MARCHF1: variants seen among roughly 807,000 people sequenced by gnomAD.
MARCHF1 encodes the protein E3 ubiquitin-protein ligase MARCHF1.
MARCHF1 carries 40 observed loss-of-function variants against 54.2 expected under a neutral mutation model. The observed-to-expected ratio is 0.74, with a 90% CI of 0.57 to 0.96. The LOEUF (loss-of-function observed/expected upper bound fraction) is 0.96. Ranked by LOEUF, MARCHF1 falls within the 40% of genes least tolerant of loss-of-function variation. The probability of loss-of-function intolerance (pLI) is 0.00; values close to 1 mark genes in which losing one functional copy is unlikely to be tolerated. For missense variants in MARCHF1, 586 were observed against 656.5 expected, an observed-to-expected ratio of 0.89 and a Z score of 1.17; for synonymous variants, 236 against 236.3, an observed-to-expected ratio of 1.00 and a Z score of 0.01.
chr4:164,206,388 G>C (rs918661447), intron 1 of MARCHF1, among the ~76,000 whole-genome samples: 1 of 152,156 alleles, frequency 6.6e-6, no homozygotes, highest in Non-Finnish European at 1.5e-5. Flanking sequence ...AGTGAGCCAA[G>C]GTCATGCCAT....
intron 8 of MARCHF1, among the ~76,000 whole-genome samples, chr4:163,579,319 TAAAAC>T (rs1195764428): frequency 1.3e-5 from 2 of 152,164 alleles, no homozygotes; most frequent in Admixed American, 6.5e-5. Flanking sequence ...GTTTAGGAAA[TAAAAC>T]AAATAAAAAC....
At chr4:163,621,717 A>C (rs1741701758) in intron 5 of MARCHF1, among the ~76,000 whole-genome samples, 1 of 152,192 alleles carries the variant, frequency 6.6e-6, no homozygotes, top group Admixed American at 6.5e-5. Context: ...GCTTACTACT[A>C]CTTGCTGCTG....
chr4:163,867,351 T>C (rs1191322372), intron 3 of MARCHF1, among the ~76,000 whole-genome samples: 7 of 151,952 alleles, frequency 4.6e-5, no homozygotes, highest in African/African-American at 1.7e-4. Flanking sequence ...CTTTGTTAGA[T>C]AACTGGTGAT....
intron 1 of MARCHF1, among the ~76,000 whole-genome samples, chr4:164,152,735 A>T (rs1417687924): frequency 6.6e-6 from 1 of 152,202 alleles, no homozygotes; most frequent in Admixed American, 6.5e-5. Context: ...TCTGCTATCT[A>T]AAAGCTTATC....
At chr4:164,009,034 G>A (rs1177411242) in intron 2 of MARCHF1, among the ~76,000 whole-genome samples, 1 of 151,730 alleles carries the variant, frequency 6.6e-6, no homozygotes, top group African/African-American at 2.4e-5. Context: ...ACGGTGTTTG[G>A]AAAAAATTAA....
At chr4:164,372,392 A>C (rs1370632927) in intron 1 of MARCHF1, among the ~76,000 whole-genome samples, 4 of 152,206 alleles carry the variant, frequency 2.6e-5, no homozygotes, top group Non-Finnish European at 5.9e-5. Context: ...AGCATATTAC[A>C]TATTTATTGA....
intron 5 of MARCHF1, among the ~76,000 whole-genome samples, chr4:163,685,514 G>A (rs1028387536): frequency 2.0e-5 from 3 of 152,028 alleles, no homozygotes; most frequent in Admixed American, 1.3e-4. Context: ...GAGTGCAGTA[G>A]CGTGAACTCA....
chr4:163,656,969 G>A (rs1179818022), intron 5 of MARCHF1, among the ~76,000 whole-genome samples: 1 of 151,980 alleles, frequency 6.6e-6, no homozygotes. Context: ...GGCAAATGCT[G>A]GAAGCATTCC....
chr4:163,536,843 C>A (rs1738553321), intron 9 of MARCHF1, among the ~76,000 whole-genome samples: 1 of 152,200 alleles, frequency 6.6e-6, no homozygotes, highest in African/African-American at 2.4e-5. Flanking sequence ...ATCTCTGAAT[C>A]AGTTTCCCCT....
chr4:164,096,318 G>A (rs1755411248), intron 2 of MARCHF1, among the ~76,000 whole-genome samples: 1 of 152,058 alleles, frequency 6.6e-6, no homozygotes, highest in South Asian at 2.1e-4. Flanking sequence ...CACAGAAACA[G>A]AAAACCAAAT....
chr4:164,301,779 T>G (rs1734567804), intron 1 of MARCHF1, among the ~76,000 whole-genome samples: 1 of 152,094 alleles, frequency 6.6e-6, no homozygotes, highest in African/African-American at 2.4e-5. Context: ...TGTATCAAAG[T>G]GGATGGAAAA....
intron 1 of MARCHF1, among the ~76,000 whole-genome samples, chr4:164,139,385 G>A (rs537604203): frequency 1.3e-5 from 2 of 152,066 alleles, no homozygotes; most frequent in Non-Finnish European, 2.9e-5. Context: ...TCCTTTTCAT[G>A]TAAGAAATGT....
intron 8 of MARCHF1, among the ~76,000 whole-genome samples, chr4:163,576,426 T>G (rs1250372402): frequency 6.6e-6 from 1 of 152,100 alleles, no homozygotes; most frequent in Non-Finnish European, 1.5e-5. Context: ...TTTAGATTTT[T>G]TTGAGTTTAT....
At chr4:163,803,940 G>A (rs1229634419) in intron 4 of MARCHF1, among the ~76,000 whole-genome samples, 5 of 152,148 alleles carry the variant, frequency 3.3e-5, no homozygotes, top group African/African-American at 9.7e-5. Flanking sequence ...CAAAGAGCAT[G>A]CTTCTTAAGA....
At chr4:163,937,463 A>T (rs1751823019) in intron 3 of MARCHF1, among the ~76,000 whole-genome samples, 1 of 151,802 alleles carries the variant, frequency 6.6e-6, no homozygotes, top group African/African-American at 2.4e-5. Flanking sequence ...TGAATCCTCA[A>T]ATCCTCAGTG....
intron 1 of MARCHF1, among the ~76,000 whole-genome samples, chr4:164,137,339 G>A (rs1165137665): frequency 6.6e-6 from 1 of 152,118 alleles, no homozygotes; most frequent in South Asian, 2.1e-4. Context: ...GTCAAAAGGA[G>A]AACTAATCTT....
intron 5 of MARCHF1, among the ~76,000 whole-genome samples, chr4:163,669,693 A>C (rs1228546799): frequency 6.7e-6 from 1 of 150,336 alleles, no homozygotes; most frequent in Non-Finnish European, 1.5e-5. Context: ...CTGCCTCCCC[A>C]GTTCAAGCAC....
intron 4 of MARCHF1, among the ~76,000 whole-genome samples, chr4:163,713,535 A>T (rs1378269453): frequency 2.6e-5 from 4 of 152,194 alleles, no homozygotes; most frequent in African/African-American, 9.6e-5. Flanking sequence ...ATAATGTGCT[A>T]CACAAATGGT....
intron 8 of MARCHF1, among the ~76,000 whole-genome samples, chr4:163,551,489 A>G (rs1739105094): frequency 6.6e-6 from 1 of 152,238 alleles, no homozygotes; most frequent in African/African-American, 2.4e-5. Flanking sequence ...AATTTGCTAC[A>G]AAACTGATGA....
Sources: allele counts gnomAD v4.1 joint callset (sites outside exome capture counted in the v4.1 genomes callset), GRCh38; gene constraint gnomAD v4.1.1; transcripts MANE v1.5; gene names NCBI Gene and HGNC (gene_info 2026-07-23, HGNC 2026-07-21).